Variants in CLYBL observed in about 807,000 individuals in gnomAD.
The protein encoded by CLYBL is citramalyl-CoA lyase.
CLYBL carries 31 observed loss-of-function variants against 38.9 expected under a neutral mutation model. That is an observed-to-expected ratio of 0.80 (90% CI 0.60 to 1.08). The LOEUF (loss-of-function observed/expected upper bound fraction) is 1.08. CLYBL is among the 50% of genes least tolerant of loss of function. The pLI is 0.00. For missense variants in CLYBL, 434 were observed against 411.6 expected (o/e 1.05, Z -0.47); for synonymous variants, 171 against 158.6 (o/e 1.08, Z -0.59).
intron 2 of CLYBL, among the ~76,000 whole-genome samples, chr13:99,813,565 C>T (rs542097874): frequency 2.0e-5 from 3 of 152,300 alleles, no homozygotes; most frequent in Non-Finnish European, 2.9e-5. Context: ...TGGGCTCTGC[C>T]TCTGCCACTA....
intron 2 of CLYBL, among the ~76,000 whole-genome samples, chr13:99,858,594 G>C (rs960120781): frequency 1.3e-5 from 2 of 152,204 alleles, no homozygotes; most frequent in African/African-American, 4.8e-5. Context: ...TAATGAGAAA[G>C]ACGACACTTC....
intron 2 of CLYBL, among the ~76,000 whole-genome samples, chr13:99,775,079 T>C (rs2049483515): frequency 6.6e-6 from 1 of 152,178 alleles, no homozygotes; most frequent in African/African-American, 2.4e-5. Flanking sequence ...CTATAGGAAA[T>C]AGATAAATCC....
At chr13:99,608,568 C>T (rs1272412668) in intron 1 of CLYBL, among the ~76,000 whole-genome samples, 1 of 152,032 alleles carries the variant, frequency 6.6e-6, no homozygotes, top group Non-Finnish European at 1.5e-5. Context: ...TTTTCTGGCG[C>T]CTTTTGAGGG....
chr13:99,674,683 A>G (rs1416306332), intron 1 of CLYBL, among the ~76,000 whole-genome samples: 4 of 152,164 alleles, frequency 2.6e-5, no homozygotes, highest in Admixed American at 1.3e-4. Context: ...GGACACTCCA[A>G]CATTAAGGGA....
chr13:99,745,454 G>T (rs1594155064), intron 1 of CLYBL, among the ~76,000 whole-genome samples: 1 of 151,682 alleles, frequency 6.6e-6, no homozygotes, highest in East Asian at 1.9e-4. Flanking sequence ...GTGTGGTACT[G>T]AATTAAGAAA....
At chr13:99,689,129 C>A (rs1409856154) in intron 1 of CLYBL, among the ~76,000 whole-genome samples, 1 of 152,178 alleles carries the variant, frequency 6.6e-6, no homozygotes, top group African/African-American at 2.4e-5. Flanking sequence ...CTTGGGACTT[C>A]ACATAAATTC....
Position 99,778,494 on chromosome 13 carries a change from A to G in CLYBL, c.249+5484A>G, listed in dbSNP as rs2049568986. 2.0e-5 allele frequency among the ~76,000 whole-genome samples: 3 copies of G among 152,206 alleles called. No individual in the cohort carries two copies. In the South Asian group the frequency reaches 6.2e-4, roughly 31 times the overall value. On this transcript the variant is annotated intron_variant, in intron 2 of 8. Transcript: ENST00000339105. ...TCATTTGATTGACTCTCTGTGAAGT[A>G]TGGGCTTATAATGAAAACAATAGGA... is the stretch of plus-strand genomic sequence containing the variant.
chr13:99,617,905 A>G (rs75334421), intron 1 of CLYBL, among the ~76,000 whole-genome samples: 2,794 of 152,212 alleles, frequency 0.018, 70 homozygotes, highest in African/African-American at 0.054. Flanking sequence ...CAAATCAGAG[A>G]GGTCTTCCTT....
chr13:99,629,215 G>T (rs1364032599), intron 1 of CLYBL, among the ~76,000 whole-genome samples: 2 of 152,218 alleles, frequency 1.3e-5, no homozygotes, highest in African/African-American at 4.8e-5. Context: ...CCTGACAGGG[G>T]GCTATCCCAG....
intron 2 of CLYBL, among the ~76,000 whole-genome samples, chr13:99,817,259 T>G (rs2050469241): frequency 6.6e-6 from 1 of 151,706 alleles, no homozygotes; most frequent in African/African-American, 2.4e-5. Flanking sequence ...AATGTGTGTA[T>G]GAGAGAGAGA....
intron 2 of CLYBL, among the ~76,000 whole-genome samples, chr13:99,797,719 C>T (rs186070504): frequency 1.4e-4 from 22 of 152,218 alleles, no homozygotes; most frequent in Admixed American, 3.3e-4. Flanking sequence ...ATGTGTAGCA[C>T]GCCTGTGCAA....
At chr13:99,726,168 A>G (rs2048469097) in intron 1 of CLYBL, 1 of 152,210 alleles carries the variant, frequency 6.6e-6, no homozygotes, top group Admixed American at 6.5e-5. Context: ...ATTATTTTCA[A>G]ATTAATAAGG....
At chr13:99,611,358 G>C (rs543769756) in intron 1 of CLYBL, among the ~76,000 whole-genome samples, 1 of 152,106 alleles carries the variant, frequency 6.6e-6, no homozygotes, top group Non-Finnish European at 1.5e-5. Context: ...AGTTTTGATC[G>C]AGTGGATTTG....
At chr13:99,764,018 T>C (rs532724693) in intron 1 of CLYBL, among the ~76,000 whole-genome samples, 1 of 151,974 alleles carries the variant, frequency 6.6e-6, no homozygotes, top group Non-Finnish European at 1.5e-5. Flanking sequence ...AGCTTGGGAG[T>C]ATTGGAGTAT....
intron 2 of CLYBL, among the ~76,000 whole-genome samples, chr13:99,847,931 C>G (rs1353060220): frequency 2.0e-5 from 3 of 152,204 alleles, no homozygotes; most frequent in Non-Finnish European, 4.4e-5. Context: ...CTGGGCTGCC[C>G]CTGCCCTTCA....
At chr13:99,871,787 G>A (rs531212363) in intron 7 of CLYBL, among the ~76,000 whole-genome samples, 1 of 152,112 alleles carries the variant, frequency 6.6e-6, no homozygotes, top group Non-Finnish European at 1.5e-5. Flanking sequence ...TTATCTTAAA[G>A]GTTATTTGCA....
chr13:99,629,554 C>T (rs149926873), intron 1 of CLYBL, among the ~76,000 whole-genome samples: 25 of 152,316 alleles, frequency 1.6e-4, no homozygotes, highest in African/African-American at 6.0e-4. Context: ...GCAGCTCCTT[C>T]TCTGTACTGT....
chr13:99,907,998 A>G (rs528244563), intron 9 of CLYBL, among the ~76,000 whole-genome samples: 5 of 152,164 alleles, frequency 3.3e-5, no homozygotes, highest in Non-Finnish European at 7.4e-5. Flanking sequence ...CTGAGTGGTG[A>G]ACAGCACTCG....
intron 2 of CLYBL, among the ~76,000 whole-genome samples, chr13:99,801,521 G>GAA (rs150856159): frequency 2.0e-5 from 3 of 151,432 alleles, no homozygotes; most frequent in African/African-American, 4.8e-5. Flanking sequence ...GAAAGTAATA[G>GAA]AAAAAAAAGA....
Sources: gnomAD v4.1 joint callset for allele counts (sites outside exome capture counted in the v4.1 genomes callset) on GRCh38, gnomAD v4.1.1 for gene constraint, MANE v1.5 for transcripts, NCBI Gene and HGNC (gene_info 2026-07-23, HGNC 2026-07-21) for gene names.